Variants in CLDN12 observed in about 807,000 individuals in gnomAD.
CLDN12 encodes the protein claudin 12, also known as claudin-12.
CLDN12 carries 9 observed loss-of-function variants against 15.5 expected under a neutral mutation model. That is an observed-to-expected ratio of 0.58 (90% CI 0.35 to 1.02). The LOEUF (loss-of-function observed/expected upper bound fraction) is 1.02, where lower values mean the gene tolerates loss of function less well. CLDN12 is among the 50% of genes least tolerant of loss of function. The pLI, the probability that CLDN12 is intolerant of heterozygous loss-of-function variation, is 0.02. For missense variants in CLDN12, 233 were observed against 297.3 expected, an observed-to-expected ratio of 0.78 and a Z score of 1.59; for synonymous variants, 140 against 121.6, an observed-to-expected ratio of 1.15 and a Z score of -1.00.
Position 90,413,257 on chromosome 7 carries a change from T to G in CLDN12, c.581T>G (p.Ile194Ser). ...GLFMTSLILFIWYCTCKSLPS... is the reference protein window; with the variant it reads ...GLFMTSLILFSWYCTCKSLPS... ...TTTATGACTTCCCTTATACTATTTA[T>G]TTGGTATTGTACATGCAAATCTTTG... Residue 194 changes from isoleucine to serine, a missense_variant, in exon 4 of 4, where the codon ATT becomes AGT. Physicochemically the swap from Ile to Ser is moderately radical, Grantham distance 142. Coordinates refer to ENST00000496677, the MANE Select transcript of CLDN12 (RefSeq NM_001185072.3). 1 of 1,614,204 alleles carries G rather than the reference T, an allele frequency of 6.2e-7. No individual in the cohort carries two copies. The highest frequency in any genetic ancestry group is 8.5e-7 in the Non-Finnish European group (1 of 1,180,022).
rs1796819264 is a variant in CLDN12, at chr7:90,405,598, T to TA, written c.-86dup. The stretch of plus-strand genomic sequence containing the variant: ...ATAAAGCTGTTTTGGAACTGTCAGG[T>TA]ACCTCAAAGCGTAAGTACGTCCTTT... On this transcript the variant is annotated 5_prime_UTR_variant, in exon 2 of 4. Coordinates refer to ENST00000496677, the MANE Select transcript of CLDN12 (RefSeq NM_001185072.3). 1 of 152,208 alleles carries TA rather than the reference T, an allele frequency of 6.6e-6. No homozygotes were observed. The highest frequency in any genetic ancestry group is 1.5e-5 in the Non-Finnish European group (1 of 68,046). 9.4% of individuals were successfully genotyped at this position (152,208 alleles called of 1,614,324 possible). A position where few individuals can be genotyped will look rare whatever the true frequency, so the allele number is the denominator to read the frequency against.
chr7:90,414,037 A>C lies in CLDN12; in HGVS notation c.*626A>C. On this transcript the variant is annotated 3_prime_UTR_variant, in exon 4 of 4. Coordinates refer to ENST00000496677, the MANE Select transcript of CLDN12 (RefSeq NM_001185072.3). ...AAGACTACCATTCTAAATATCACCT[A>C]CTTATGAATAACATGTAATAATTTT... The C allele has an allele frequency of 1.0e-6, 1 of 976,068 alleles. No individual in the cohort carries two copies. The allele number at this position is 976,068 out of a possible 1,614,324, so 60.5% of individuals were successfully genotyped here.
intron 2 of CLDN12, among the ~76,000 whole-genome samples, chr7:90,409,890 A>C (rs761421032): frequency 7.9e-5 from 12 of 152,240 alleles, no homozygotes; most frequent in Non-Finnish European, 1.6e-4. Context: ...CCAGGGCCTA[A>C]CAGAGTGTTT....
intron 2 of CLDN12, among the ~76,000 whole-genome samples, chr7:90,408,753 G>C (rs754066442): frequency 9.2e-5 from 14 of 152,192 alleles, no homozygotes; most frequent in South Asian, 2.1e-4. Context: ...AGCTAAGAAT[G>C]CTTCATCAAA....
chr7:90,410,129 C>A (rs755476514), intron 2 of CLDN12, among the ~76,000 whole-genome samples: 4 of 151,680 alleles, frequency 2.6e-5, no homozygotes, highest in Non-Finnish European at 5.9e-5. Context: ...AAGCAAAGAC[C>A]ACCAGAGAGC....
At position 90,413,750 on chromosome 7, in the gene CLDN12, T is replaced by A; in HGVS notation, c.*339T>A. 1 of 1,035,536 alleles carries A rather than the reference T, an allele frequency of 9.7e-7. No individual in the cohort carries two copies. The highest frequency in any genetic ancestry group is 1.2e-6 in the Non-Finnish European group (1 of 853,850). The allele number at this position is 1,035,536 out of a possible 1,614,324, so 64.1% of individuals were successfully genotyped here. ...TTAGCAGAAGCTGTTGTATACAATC[T>A]TCATGAAAATTTCAGTGTGTATTTT... is the stretch of plus-strand genomic sequence containing the variant. On this transcript the variant is annotated 3_prime_UTR_variant, in exon 4 of 4. Transcript: ENST00000496677.
At chr7:90,412,369 G>A in intron 3 of CLDN12, 1 of 329,016 alleles carries the variant, frequency 3.0e-6, no homozygotes, top group East Asian at 5.0e-5. Context: ...TATCTTGGTT[G>A]TTTTTTTAAT....
In CLDN12 at chr7:90,414,161, T is replaced by G. The variant is rs1275284469; in HGVS notation, c.*750T>G. The stretch of plus-strand genomic sequence containing the variant: ...GGCAGAAAACTCTTTTTTGGAGATA[T>G]CTTCCATCAAGCAGTACTCGTGCCC... On this transcript the variant is annotated 3_prime_UTR_variant, in exon 4 of 4. Coordinates refer to ENST00000496677, the MANE Select transcript of CLDN12 (RefSeq NM_001185072.3). 1.0e-6 allele frequency: 1 copy of G among 1,000,086 alleles called. No individual in the cohort carries two copies. Among genetic ancestry groups the G allele is most frequent in the Non-Finnish European group, 1.2e-6 (1 of 830,010 alleles). The allele number at this position is 1,000,086 out of a possible 1,614,324, so 62.0% of individuals were successfully genotyped here.
At chr7:90,406,702 A>G (rs1342257764) in intron 2 of CLDN12, among the ~76,000 whole-genome samples, 1 of 152,220 alleles carries the variant, frequency 6.6e-6, no homozygotes, top group Admixed American at 6.5e-5. Context: ...TGTAAATGAT[A>G]GGTTATGAAT....
intron 1 of CLDN12, among the ~76,000 whole-genome samples, chr7:90,404,168 A>G (rs1584661881): frequency 6.6e-6 from 1 of 152,066 alleles, no homozygotes; most frequent in African/African-American, 2.4e-5. Flanking sequence ...GACCTCACTT[A>G]AAATGATTGC....
At chr7:90,403,662 A>T (rs1448692082) in intron 1 of CLDN12, 113 bp downstream of exon 1, 3 of 152,206 alleles carry the variant, frequency 2.0e-5, no homozygotes, top group Admixed American at 2.0e-4. Flanking sequence ...CGCTGACCAC[A>T]TCTGTGGATG....
At chr7:90,407,903 T>C (rs921157565) in intron 2 of CLDN12, among the ~76,000 whole-genome samples, 3 of 152,142 alleles carry the variant, frequency 2.0e-5, no homozygotes, top group African/African-American at 7.2e-5. Flanking sequence ...TAGACTGTAG[T>C]GTGTGGGGTG....
At position 90,411,041 on chromosome 7, in the gene CLDN12, AC is replaced by A. The variant is rs1241107929; in HGVS notation, c.-76-965del. 7.2e-5 allele frequency among the ~76,000 whole-genome samples: 11 copies of A among 152,206 alleles called. 1 individual carries two copies. The East Asian group carries it at 2.1e-3, about 29-fold the overall frequency. ...GAAAAAATTATTCCTATATTATATG[AC>A]TAGATTAAATATACAAATAACATTG... On this transcript the variant is annotated intron_variant, in intron 2 of 3. Coordinates refer to ENST00000496677, the MANE Select transcript of CLDN12 (RefSeq NM_001185072.3).
At position 90,413,211 on chromosome 7, in the gene CLDN12, A is replaced by G. The variant is rs993873530; in HGVS notation, c.535A>G (p.Ile179Val). ...FSFDYAVYVT[I>V]ASAGGLFMTS... ...ATTTGACTATGCAGTGTATGTCACT[A>G]TTGCTAGTGCTGGGGGCCTGTTTAT... is the stretch of plus-strand genomic sequence containing the variant. Residue 179 changes from isoleucine to valine, a missense_variant, in exon 4 of 4, where the codon ATT (isoleucine) becomes GTT (valine). Transcript: ENST00000496677. 3 of 1,614,132 alleles carry G rather than the reference A, an allele frequency of 1.9e-6. No individual in the cohort carries two copies. Among genetic ancestry groups the G allele is most frequent in the South Asian group, 2.2e-5 (2 of 91,084 alleles).
In CLDN12 at chr7:90,407,405, A is replaced by G. The variant is rs142239728; in HGVS notation, c.-77+1797A>G. 2.0e-3 allele frequency among the ~76,000 whole-genome samples: 306 copies of G among 152,328 alleles called. 1 individual carries two copies. The highest frequency in any genetic ancestry group is 6.9e-3 in the African/African-American group (287 of 41,562). On this transcript the variant is annotated intron_variant, in intron 2 of 3. Coordinates refer to ENST00000496677, the MANE Select transcript of CLDN12 (RefSeq NM_001185072.3). The stretch of plus-strand genomic sequence containing the variant: ...GGAGAAAGCAGGGGCACAGTCTAGA[A>G]ACAGTCTGGATGTATCAGAACACAG...
In CLDN12 at chr7:90,414,300, G is replaced by C. The variant is rs750152497; in HGVS notation, c.*889G>C. On this transcript the variant is annotated 3_prime_UTR_variant, in exon 4 of 4. Transcript: ENST00000496677. ...AGTCTGTTCTTCAGTGAGTACACTA[G>C]AGATTTACTCTGGTGACTGCCTTTT... is the stretch of plus-strand genomic sequence containing the variant. The C allele has an allele frequency of 1.5e-4, 154 of 1,000,064 alleles. No homozygotes were observed. The highest frequency in any genetic ancestry group is 1.8e-4 in the Non-Finnish European group (146 of 829,936). 61.9% of individuals were successfully genotyped at this position (1,000,064 alleles called of 1,614,324 possible). A position where few individuals can be genotyped will look rare whatever the true frequency, so the allele number is the denominator to read the frequency against.
Position 90,413,446 on chromosome 7 carries a change from G to A in CLDN12, c.*35G>A. On this transcript the variant is annotated 3_prime_UTR_variant, in exon 4 of 4. Coordinates refer to ENST00000496677, the MANE Select transcript of CLDN12 (RefSeq NM_001185072.3). The stretch of plus-strand genomic sequence containing the variant: ...AGTTAATTGTTAAAGAAAACTTCTT[G>A]TAGCCTCACATTCCCCTTGTGCAAA... The A allele has an allele frequency of 6.3e-7, 1 of 1,593,106 alleles. No homozygotes were observed. The highest frequency in any genetic ancestry group is 8.6e-7 in the Non-Finnish European group (1 of 1,168,046).
In CLDN12 at chr7:90,412,809, G is replaced by A. The variant is rs1252002472; in HGVS notation, c.133G>A (p.Glu45Lys). 3.1e-6 allele frequency: 5 copies of A among 1,614,202 alleles called. No homozygotes were observed. The highest frequency in any genetic ancestry group is 2.2e-5 in the East Asian group (1 of 44,880). The change falls in exon 4 of 4, where the codon GAG becomes AAG. Residue 45 changes from glutamate to lysine, a missense_variant. By Grantham distance (56) the Glu-to-Lys change is moderately conservative (BLOSUM62 1). Coordinates refer to ENST00000496677, the MANE Select transcript of CLDN12 (RefSeq NM_001185072.3). ...KLRLITFNRN[E>K]KNLTVYTGLW... ...ACGATTGATCACATTCAACAGAAAC[G>A]AGAAGAACCTGACTGTTTACACAGG...
chr7:90,411,559 A>G (rs1007494254), intron 2 of CLDN12, among the ~76,000 whole-genome samples: 1 of 152,162 alleles, frequency 6.6e-6, no homozygotes, highest in Non-Finnish European at 1.5e-5. Context: ...CATTCGTCTT[A>G]TATGAACAGT....
Sources: allele counts gnomAD v4.1 joint callset (sites outside exome capture counted in the v4.1 genomes callset), GRCh38; gene constraint gnomAD v4.1.1; transcripts MANE v1.5; gene names NCBI Gene and HGNC (gene_info 2026-07-23, HGNC 2026-07-21).